The following WNK4 variants were observed in gnomAD, a reference collection of about 807,000 sequenced individuals.
The protein encoded by WNK4 is WNK lysine deficient protein kinase 4.
A neutral mutation model predicts 116.2 loss-of-function variants in WNK4; 94 were observed. The observed-to-expected ratio is 0.81, with a 90% CI of 0.68 to 0.96. The LOEUF (loss-of-function observed/expected upper bound fraction) is 0.96. Ranked by LOEUF, WNK4 falls within the 40% of genes least tolerant of loss-of-function variation. WNK4 has a pLI of 0.00. For synonymous variants in WNK4, 655 were observed against 672.7 expected (o/e 0.97, Z 0.41); for missense variants, 1,542 against 1,650.6 (o/e 0.93, Z 1.14).
chr17:42,780,615 G>A lies in WNK4; in HGVS notation c.-84G>A. On this transcript the variant is annotated 5_prime_UTR_variant, in exon 1 of 19. Coordinates refer to ENST00000246914, the MANE Select transcript of WNK4 (RefSeq NM_032387.5). ...GGGGCCGCAGCCGCTCAGCCGGAGCGCAGCGCACCCAGCGAGTCCGTCTGT... is the reference window on the plus strand; with the variant it reads ...GGGGCCGCAGCCGCTCAGCCGGAGCACAGCGCACCCAGCGAGTCCGTCTGT... 6.4e-7 allele frequency: 1 copy of A among 1,563,034 alleles called. No homozygotes were observed. Among genetic ancestry groups the A allele is most frequent in the East Asian group, 2.3e-5 (1 of 42,860 alleles).
chr17:42,787,233 T>C (rs200716779), intron 6 of WNK4, 45 bp from the exon 7 acceptor site: 230 of 1,610,860 alleles, frequency 1.4e-4, no homozygotes, highest in Non-Finnish European at 1.8e-4. Flanking sequence ...GGATCTTTGA[T>C]AGGGGGTCCC....
rs1266224178 is a variant in WNK4 at position 42,781,212 on chromosome 17, C to T, written c.514C>T (p.Arg172Ter). 5.0e-6 allele frequency: 8 copies of T among 1,614,052 alleles called. No individual in the cohort carries two copies. The highest frequency in any genetic ancestry group is 2.7e-5 in the African/African-American group (2 of 74,920). The change falls in exon 1 of 19, where the codon CGA (arginine) becomes TGA (stop). Residue 172 changes from arginine (R) to a stop codon, truncating the protein, a stop_gained. Coordinates refer to ENST00000246914, the MANE Select transcript of WNK4 (RefSeq NM_032387.5). LOFTEE classifies it high-confidence loss of function. ...TQAVATSPDG[R>*]YLKFDIEIGR... ...GGCTGTGGCAACGTCCCCCGATGGC[C>T]GATACCTCAAGTTTGACATCGAGAT...
chr17:42,793,838 G>C, intron 12 of WNK4, 109 bp downstream of exon 12: 1 of 1,423,938 alleles, frequency 7.0e-7, no homozygotes, highest in Non-Finnish European at 9.7e-7. Flanking sequence ...TCATCTCTGG[G>C]ACCCTAAAAC....
chr17:42,789,143 G>A (rs1283707976), intron 11 of WNK4, among the ~76,000 whole-genome samples: 1 of 152,110 alleles, frequency 6.6e-6, no homozygotes, highest in Non-Finnish European at 1.5e-5. Context: ...TGGCAAATGG[G>A]CAAGAAAGGC....
At position 42,781,073 on chromosome 17, in the gene WNK4, C is replaced by G. The variant is rs569653689; in HGVS notation, c.375C>G (p.Pro125=). The G allele has an allele frequency of 2.0e-5, 33 of 1,612,556 alleles. No individual in the cohort carries two copies. The South Asian group carries it at 3.0e-4, about 14-fold the overall frequency. ...PVKAAEDSAR[P]ELPDSAVGPG... is the part of the protein sequence containing the mutation. ...AGGCTGCGGAAGACTCCGCGCGTCC[C>G]GAGCTCCCGGACTCTGCAGTGGGCC... The change falls in exon 1 of 19, where the codon CCC becomes CCG. Residue 125 remains proline (P), a synonymous_variant. Coordinates refer to ENST00000246914, the MANE Select transcript of WNK4 (RefSeq NM_032387.5).
rs1380022262 is a variant in WNK4, at chr17:42,780,620, G to C, written c.-79G>C. The C allele has an allele frequency of 6.4e-7, 1 of 1,570,058 alleles. No individual in the cohort carries two copies. Among genetic ancestry groups the C allele is most frequent in the African/African-American group, 1.4e-5 (1 of 72,568 alleles). ...CGCAGCCGCTCAGCCGGAGCGCAGCGCACCCAGCGAGTCCGTCTGTCAGGC... is the reference window on the plus strand; with the variant it reads ...CGCAGCCGCTCAGCCGGAGCGCAGCCCACCCAGCGAGTCCGTCTGTCAGGC... On this transcript the variant is annotated 5_prime_UTR_variant, in exon 1 of 19. Transcript: ENST00000246914.
In WNK4 at chr17:42,784,765, A is replaced by G. The variant is rs529318860; in HGVS notation, c.1170+186A>G. Among the ~76,000 whole-genome samples the G allele has an allele frequency of 6.6e-6, 1 of 152,264 alleles. No homozygotes were observed. The highest frequency in any genetic ancestry group is 1.9e-4 in the East Asian group (1 of 5,176). On this transcript the variant is annotated intron_variant, in intron 4 of 18. Transcript: ENST00000246914. The surrounding 1 kb of genome is among the most constrained non-coding windows in gnomAD (Gnocchi z 4.4). ...ACCAGTACACGCTATTTAGAATAAT[A>G]ATATGTGTGGTGCTCCCAAGAGTTC...
In WNK4 at chr17:42,796,097, C is replaced by G. The variant is rs2054667655; in HGVS notation, c.3432-26C>G. On this transcript the variant is annotated intron_variant, in intron 16 of 18. Coordinates refer to ENST00000246914, the MANE Select transcript of WNK4 (RefSeq NM_032387.5). The stretch of plus-strand genomic sequence containing the variant: ...GGGAGAGCAAGGTGTGTGGCTAGCC[C>G]TTTCATGCCCTCCGTGCATCCTCAG... 3 of 1,613,886 alleles carry G rather than the reference C, an allele frequency of 1.9e-6. No individual in the cohort carries two copies. The Admixed American group carries it at 5.0e-5, about 27-fold the overall frequency.
chr17:42,785,568 G>A (rs1568028485), intron 6 of WNK4, 86 bp downstream of exon 6: 2 of 1,490,430 alleles, frequency 1.3e-6, no homozygotes, highest in East Asian at 4.9e-5. Context: ...GGGCGCAGGA[G>A]GGGTGGCAGC....
chr17:42,795,261 G>A lies in WNK4; in HGVS notation c.2840G>A (p.Gly947Glu). ...CAGTCCCTGCTGTCCCCCTCACCTG[G>A]GCTCCTTTCCCAGTCTCCTCCAGCC... The part of the protein sequence containing the change: ...VAQSLLSPSP[G>E]LLSQSPPAPP... The change falls in exon 14 of 19, where the codon GGG (glycine) becomes GAG (glutamate). Residue 947 changes from glycine (G) to glutamate (E), a missense_variant. By Grantham distance (98) the Gly-to-Glu change is moderately conservative. Around this residue, in one of 7 missense-constraint regions of WNK4, gnomAD observed 292 missense variants for 290.1 expected, o/e 1.01. Transcript: ENST00000246914. The A allele has an allele frequency of 6.2e-7, 1 of 1,613,494 alleles. No homozygotes were observed. Among genetic ancestry groups the A allele is most frequent in the East Asian group, 2.2e-5 (1 of 44,814 alleles).
Position 42,787,720 on chromosome 17 carries a change from C to T in WNK4, c.1742-58C>T, listed in dbSNP as rs1044223645. ...CCCTCCTTGCTTAGGCAGGCCCCAT[C>T]CTCTGCCACTATTCCCTTTTATTTC... On this transcript the variant is annotated intron_variant, in intron 7 of 18. Transcript: ENST00000246914. 7.5e-6 allele frequency: 12 copies of T among 1,604,748 alleles called. No homozygotes were observed. In the South Asian group the frequency reaches 8.8e-5, roughly 12 times the overall value.
At position 42,793,678 on chromosome 17, in the gene WNK4, GAAGA is replaced by G. The variant is rs1445155625; in HGVS notation, c.2245_2248del (p.Lys749GlufsTer13). 1 of 1,614,084 alleles carries G rather than the reference GAAGA, an allele frequency of 6.2e-7. No individual in the cohort carries two copies. The highest frequency in any genetic ancestry group is 2.2e-5 in the East Asian group (1 of 44,870). Reference sequence around the variant, plus strand: ...TTATCCAGCGAGTGGAGACCCTGTTGAAGAGAGACACTGGCCCCATGGAGGCTGC... The same window carrying G: ...TTATCCAGCGAGTGGAGACCCTGTTGGAGACACTGGCCCCATGGAGGCTGC... On this transcript the variant is annotated frameshift_variant, in exon 12 of 19. Transcript: ENST00000246914. LOFTEE classifies it high-confidence loss of function.
Position 42,795,491 on chromosome 17 carries a change from G to A in WNK4, c.2992G>A (p.Gly998Arg), listed in dbSNP as rs1451685966. The A allele has an allele frequency of 1.2e-6, 2 of 1,614,212 alleles. No homozygotes were observed. Among genetic ancestry groups the A allele is most frequent in the Admixed American group, 3.3e-5 (2 of 60,024 alleles). ...ACCACCTCCTGCTCGGCCCCTCCCA[G>A]GGGAAGCCAGGCTGGCGCCCATCTC... ...ASPPPARPLP[G>R]EARLAPISEE... Residue 998 changes from glycine to arginine, a missense_variant, in exon 15 of 19, where the codon GGG (glycine) becomes AGG (arginine). By Grantham distance (125) the Gly-to-Arg change is moderately radical. Transcript: ENST00000246914.
At position 42,796,468 on chromosome 17, in the gene WNK4, A is replaced by G; in HGVS notation, c.3632-13A>G. 5 of 1,613,442 alleles carry G rather than the reference A, an allele frequency of 3.1e-6. No individual in the cohort carries two copies. The highest frequency in any genetic ancestry group is 4.2e-6 in the Non-Finnish European group (5 of 1,179,744). ...CCTCACTTAGTGCTCTCCTTCCCCC[A>G]TCCTGCTCCCAGGCATCATGCGAAG... is the stretch of plus-strand genomic sequence containing the variant. On this transcript the variant is annotated splice_polypyrimidine_tract_variant and intron_variant, in intron 17 of 18. Coordinates refer to ENST00000246914, the MANE Select transcript of WNK4 (RefSeq NM_032387.5).
intron 7 of WNK4, 84 bp downstream of exon 7, chr17:42,787,626 C>A (rs2054565010): frequency 1.3e-6 from 2 of 1,597,982 alleles, no homozygotes; most frequent in African/African-American, 2.7e-5. Context: ...CCACAGCAGT[C>A]ACTTACCCTG....
Position 42,795,141 on chromosome 17 carries a change from C to CTCCGTGCCCCTCCACTTCT in WNK4, c.2724_2742dup (p.Phe915ValfsTer20). 1 of 1,614,042 alleles carries CTCCGTGCCCCTCCACTTCT rather than the reference C, an allele frequency of 6.2e-7. No individual in the cohort carries two copies. The stretch of plus-strand genomic sequence containing the variant: ...GTCACTCTTAGTTCCCCTTTCTTTC[C>CTCCGTGCCCCTCCACTTCT]TCCGTGCCCCTCCACTTCTTCCTTC... On this transcript the variant is annotated frameshift_variant, in exon 14 of 19. Transcript: ENST00000246914. LOFTEE classifies it high-confidence loss of function.
chr17:42,785,534 C>T (rs1371096106), intron 6 of WNK4, 52 bp downstream of exon 6: 1 of 1,546,620 alleles, frequency 6.5e-7, no homozygotes, highest in Non-Finnish European at 8.7e-7. Flanking sequence ...GACATTGACT[C>T]GAGGGGACAG....
chr17:42,785,398 C>CG lies in WNK4; in HGVS notation c.1398dup (p.Arg467AlafsTer34), dbSNP rs780649830. 1.3e-5 allele frequency: 21 copies of CG among 1,581,872 alleles called. No homozygotes were observed. The highest frequency in any genetic ancestry group is 1.4e-5 in the Non-Finnish European group (16 of 1,163,834). The stretch of plus-strand genomic sequence containing the variant: ...GGCTGCGCATGGAGGACGCGCGGCG[C>CG]GGGGGGCGCCCACGGGACAACCAGG... On this transcript the variant is annotated frameshift_variant, in exon 6 of 19. Transcript: ENST00000246914. LOFTEE classifies it high-confidence loss of function.
At chr17:42,796,422 C>G in intron 17 of WNK4, 59 bp from the exon 18 acceptor site, 16 of 1,613,900 alleles carry the variant, frequency 9.9e-6, no homozygotes, top group Non-Finnish European at 1.2e-5. Context: ...GGAATAGACC[C>G]CCTCTCCCCA....
Sources: gnomAD v4.1 joint callset for allele counts (sites outside exome capture counted in the v4.1 genomes callset) on GRCh38, gnomAD v4.1.1 for gene constraint, gnomAD v4.1.1 regional missense constraint, Gnocchi (gnomAD v3.1) non-coding constraint, MANE v1.5 for transcripts, NCBI Gene and HGNC (gene_info 2026-07-23, HGNC 2026-07-21) for gene names.